The following ATP10B variants were observed in gnomAD, a reference collection of about 807,000 sequenced individuals.
ATP10B encodes the protein phospholipid-transporting ATPase VB.
In ATP10B, 122 loss-of-function variants were observed where a neutral mutation model predicts 141.2. The observed-to-expected ratio is 0.86, with a 90% confidence interval of 0.75 to 1.00. The LOEUF (loss-of-function observed/expected upper bound fraction) is 1.00, where lower values mean the gene tolerates loss of function less well. ATP10B is among the 50% of genes least tolerant of loss of function. ATP10B has a pLI of 0.00. For missense variants in ATP10B, 1,876 were observed against 1,825.3 expected (o/e 1.03, Z -0.51); for synonymous variants, 685 against 692.0 (o/e 0.99, Z 0.16).
chr5:160,788,221 GC>G (rs1437655664), intron 1 of ATP10B, among the ~76,000 whole-genome samples: 2 of 152,108 alleles, frequency 1.3e-5, no homozygotes, highest in Non-Finnish European at 2.9e-5. Context: ...AATGTTCTGA[GC>G]AAAAAGCTCA....
At position 160,828,758 on chromosome 5, in the gene ATP10B, G is replaced by A. The variant is rs544954602; in HGVS notation, c.-576+23183C>T. Among the ~76,000 whole-genome samples, 44 of 151,834 alleles carry A rather than the reference G, an allele frequency of 2.9e-4. 1 individual carries two copies. The South Asian group carries it at 8.1e-3, about 28-fold the overall frequency. On this transcript the variant is annotated intron_variant, in intron 1 of 25. Transcript: ENST00000327245. ...TGCTGCTATAAAGACACATGCACAC[G>A]TATGTTTATTGCGGCACTATTCACA...
intron 1 of ATP10B, among the ~76,000 whole-genome samples, chr5:160,845,042 G>T (rs1776037122): frequency 6.6e-6 from 1 of 152,070 alleles, no homozygotes; most frequent in Non-Finnish European, 1.5e-5. Flanking sequence ...GTTGACTTTT[G>T]TGTGTACTTG....
rs974793631 is a variant in ATP10B at position 160,684,897 on chromosome 5, T to C, written c.470+1182A>G. The C allele has an allele frequency of 1.5e-4, 104 of 703,328 alleles. 2 individuals carry two copies. The Admixed American group carries it at 2.0e-3, about 14-fold the overall frequency. The allele number at this position is 703,328 out of a possible 1,614,324, so 43.6% of individuals were successfully genotyped here. On this transcript the variant is annotated intron_variant, in intron 6 of 25. Transcript: ENST00000327245. The stretch of plus-strand genomic sequence containing the variant: ...TATCCGATTTGTACCTCCGGAGGTC[T>C]TCCCAAGCGTCCTTGATGGCAGTGA...
In ATP10B at chr5:160,818,604, T is replaced by A. The variant is rs185357067; in HGVS notation, c.-575-32801A>T. On this transcript the variant is annotated intron_variant, in intron 1 of 25. Coordinates refer to ENST00000327245, the MANE Select transcript of ATP10B (RefSeq NM_025153.3). ...AAGTCAGTGTGGCAATTCCTCAGGG[T>A]TCTAGAACTAGAAATACCATTTGAT... Among the ~76,000 whole-genome samples the A allele has an allele frequency of 7.2e-3, 1,092 of 152,178 alleles. 19 individuals carry two copies. Among genetic ancestry groups the A allele is most frequent in the African/African-American group, 0.025 (1,026 of 41,502 alleles).
intron 1 of ATP10B, among the ~76,000 whole-genome samples, chr5:160,847,846 A>C (rs1184975189): frequency 1.3e-5 from 2 of 152,178 alleles, no homozygotes; most frequent in Non-Finnish European, 2.9e-5. Flanking sequence ...AAACCTCTGC[A>C]AAAATCTATT....
chr5:160,838,953 C>T (rs1775643770), intron 1 of ATP10B, among the ~76,000 whole-genome samples: 1 of 152,076 alleles, frequency 6.6e-6, no homozygotes, highest in Non-Finnish European at 1.5e-5. Flanking sequence ...CTGGGACCTC[C>T]CCCTTCTCCC....
intron 7 of ATP10B, among the ~76,000 whole-genome samples, chr5:160,661,930 G>C (rs1761947576): frequency 6.6e-6 from 1 of 152,166 alleles, no homozygotes; most frequent in Non-Finnish European, 1.5e-5. Flanking sequence ...TCCTTAAGCT[G>C]ACAGGCAACT....
chr5:160,732,343 CT>C (rs1383299601), intron 2 of ATP10B, among the ~76,000 whole-genome samples: 1 of 152,140 alleles, frequency 6.6e-6, no homozygotes, highest in Non-Finnish European at 1.5e-5. Context: ...GTTGGTTGTG[CT>C]TTTGAAATCT....
intron 24 of ATP10B, among the ~76,000 whole-genome samples, chr5:160,570,023 T>G (rs1287221369): frequency 6.6e-6 from 1 of 152,146 alleles, no homozygotes; most frequent in Non-Finnish European, 1.5e-5. Context: ...ACTTTTTGTT[T>G]TTTTTCCCTC....
At chr5:160,904,132 G>GT in the ATP10B span, among the ~76,000 whole-genome samples, 7,248 of 148,106 alleles carry the variant, frequency 0.049, 194 homozygotes, top group African/African-American at 0.07. Context: ...AGTGTTTTTT[G>GT]TTTTTTTTTT....
intron 13 of ATP10B, among the ~76,000 whole-genome samples, chr5:160,628,108 A>G (rs1279643886): frequency 6.6e-6 from 1 of 152,274 alleles, no homozygotes; most frequent in Non-Finnish European, 1.5e-5. Flanking sequence ...GTTTGAATCA[A>G]GAACTGGGAA....
the ATP10B span, among the ~76,000 whole-genome samples, chr5:160,896,242 A>AG: frequency 5.1e-4 from 17 of 33,620 alleles, no homozygotes; most frequent in African/African-American, 7.6e-4. Flanking sequence ...AACCCTTCAA[A>AG]AAAAAAAAAA....
chr5:160,563,618 G>T lies in ATP10B; in HGVS notation c.*1835C>A, dbSNP rs1358636499. ...GACTTAATACCTATGTCAAGCCTGGGAAGAAAGGCAGTTCTAATCAACTTG... is the reference window on the plus strand; with the variant it reads ...GACTTAATACCTATGTCAAGCCTGGTAAGAAAGGCAGTTCTAATCAACTTG... On this transcript the variant is annotated 3_prime_UTR_variant, in exon 26 of 26. Transcript: ENST00000327245. The T allele has an allele frequency of 6.6e-6, 1 of 152,122 alleles. No individual in the cohort carries two copies. Among genetic ancestry groups the T allele is most frequent in the Non-Finnish European group, 1.5e-5 (1 of 68,016 alleles). 9.4% of individuals were successfully genotyped at this position (152,122 alleles called of 1,614,324 possible). A position where few individuals can be genotyped will look rare whatever the true frequency, so the allele number is the denominator to read the frequency against.
At chr5:160,854,126 A>T (rs1753938429), upstream of ATP10B, among the ~76,000 whole-genome samples, 1 of 152,142 alleles carries the variant, frequency 6.6e-6, no homozygotes, top group Non-Finnish European at 1.5e-5. Context: ...ACCAGGATGG[A>T]TTTCATAATC....
At chr5:160,819,315 A>G (rs892857566) in intron 1 of ATP10B, among the ~76,000 whole-genome samples, 1 of 152,172 alleles carries the variant, frequency 6.6e-6, no homozygotes, top group Non-Finnish European at 1.5e-5. Flanking sequence ...ATCCTAGAGT[A>G]GTATATCTGG....
At chr5:160,842,437 G>T (rs150281476) in intron 1 of ATP10B, among the ~76,000 whole-genome samples, 3 of 151,850 alleles carry the variant, frequency 2.0e-5, no homozygotes, top group African/African-American at 4.8e-5. Flanking sequence ...AATAAAGAGC[G>T]AATGGAACCC....
intron 1 of ATP10B, among the ~76,000 whole-genome samples, chr5:160,837,075 CAA>C (rs1267994148): frequency 1.3e-5 from 2 of 152,126 alleles, no homozygotes; most frequent in Non-Finnish European, 2.9e-5. Context: ...TTCAGGCAAT[CAA>C]AGTCTTCCAC....
intron 2 of ATP10B, among the ~76,000 whole-genome samples, chr5:160,728,022 C>T (rs1198458026): frequency 6.6e-6 from 1 of 152,148 alleles, no homozygotes; most frequent in African/African-American, 2.4e-5. Flanking sequence ...GCTTATCTTC[C>T]CAGGTGTAGA....
At chr5:160,748,260 A>C (rs1767940145) in intron 2 of ATP10B, among the ~76,000 whole-genome samples, 1 of 152,168 alleles carries the variant, frequency 6.6e-6, no homozygotes, top group Non-Finnish European at 1.5e-5. Context: ...TGACTTTAAC[A>C]GGCTTCTTAA....
Sources: allele counts gnomAD v4.1 joint callset (sites outside exome capture counted in the v4.1 genomes callset), GRCh38; gene constraint gnomAD v4.1.1; transcripts MANE v1.5; gene names NCBI Gene and HGNC (gene_info 2026-07-23, HGNC 2026-07-21).